Variants in SDK1 observed in about 807,000 individuals in gnomAD.
SDK1 encodes the protein protein sidekick-1.
In SDK1, 157 loss-of-function variants were observed where a neutral mutation model predicts 245.5. The ratio of observed to expected loss-of-function variants is 0.64; its 90% CI spans 0.56 to 0.73. The LOEUF (loss-of-function observed/expected upper bound fraction) is 0.73, where lower values mean the gene tolerates loss of function less well. Among genes scored for constraint, SDK1 ranks in the 30% least tolerant of loss-of-function variants. The pLI is 0.00. For synonymous variants in SDK1, 1,647 were observed against 1,278.5 expected, an observed-to-expected ratio of 1.29 and a Z score of -6.15; for missense variants, 3,583 against 3,002.3, an observed-to-expected ratio of 1.19 and a Z score of -4.52.
chr7:3,484,679 G>C (rs1268502924), intron 1 of SDK1, among the ~76,000 whole-genome samples: 1 of 152,032 alleles, frequency 6.6e-6, no homozygotes, highest in Admixed American at 6.5e-5. Context: ...GCCCTTCCTA[G>C]CCTCTGGGAA....
At chr7:3,451,030 C>T (rs1780496700) in intron 1 of SDK1, among the ~76,000 whole-genome samples, 1 of 151,984 alleles carries the variant, frequency 6.6e-6, no homozygotes, top group Non-Finnish European at 1.5e-5. Flanking sequence ...CTGGGTTTGG[C>T]AATAAAGAGG....
chr7:4,148,833 G>A (rs540434736), intron 29 of SDK1, among the ~76,000 whole-genome samples: 19 of 152,288 alleles, frequency 1.2e-4, no homozygotes, highest in East Asian at 3.9e-4. Flanking sequence ...CGAGGCAGGC[G>A]GATCACGAGG....
At chr7:3,932,056 C>T (rs1017415240) in intron 5 of SDK1, among the ~76,000 whole-genome samples, 1 of 152,168 alleles carries the variant, frequency 6.6e-6, no homozygotes, top group Non-Finnish European at 1.5e-5. Flanking sequence ...TAATCATTGA[C>T]CTGCCACGTT....
Position 3,370,486 on chromosome 7 carries a change from A to G in SDK1, c.298+68602A>G, listed in dbSNP as rs137960553. On this transcript the variant is annotated intron_variant, in intron 1 of 44. Transcript: ENST00000404826. ...AGCCTGTAATCTGAGTCCAACTAAA[A>G]TGGTGGAAGATGATGTAATCACTTA... Among the ~76,000 whole-genome samples the G allele has an allele frequency of 3.9e-5, 6 of 152,314 alleles. No homozygotes were observed. In the East Asian group the frequency reaches 9.6e-4, roughly 24 times the overall value.
chr7:3,309,085 A>C (rs945342878), intron 1 of SDK1, among the ~76,000 whole-genome samples: 1 of 152,162 alleles, frequency 6.6e-6, no homozygotes, highest in Non-Finnish European at 1.5e-5. Context: ...TATCATACTT[A>C]ACTAAGGGTG....
At position 4,241,785 on chromosome 7, in the gene SDK1, G is replaced by A; in HGVS notation, c.6131-8G>A. ...CACGTCTGTTCTCACTCTCCTGCTG[G>A]GCTTTAGGAAAGGGGATCTCCACCA... On this transcript the variant is annotated splice_polypyrimidine_tract_variant and splice_region_variant and intron_variant, in intron 42 of 44. Coordinates refer to ENST00000404826, the MANE Select transcript of SDK1 (RefSeq NM_152744.4). The A allele has an allele frequency of 1.2e-6, 2 of 1,614,102 alleles. No homozygotes were observed. The highest frequency in any genetic ancestry group is 2.2e-5 in the East Asian group (1 of 44,858).
intron 4 of SDK1, among the ~76,000 whole-genome samples, chr7:3,803,436 G>A (rs890147583): frequency 6.6e-6 from 1 of 150,744 alleles, no homozygotes; most frequent in African/African-American, 2.4e-5. Flanking sequence ...TCAGCCTCCT[G>A]AGTAGCTGGA....
intron 5 of SDK1, among the ~76,000 whole-genome samples, chr7:3,860,374 A>T (rs1332012905): frequency 6.6e-6 from 1 of 152,196 alleles, no homozygotes; most frequent in African/African-American, 2.4e-5. Flanking sequence ...AAGAAGGTTG[A>T]TAGGTGATGA....
intron 32 of SDK1, among the ~76,000 whole-genome samples, chr7:4,168,833 G>A (rs1036317482): frequency 5.9e-5 from 9 of 152,108 alleles, no homozygotes; most frequent in Non-Finnish European, 1.3e-4. Flanking sequence ...TCGCCTCTTC[G>A]TCATGCTGAT....
At chr7:4,111,046 G>A (rs1316837894) in intron 23 of SDK1, among the ~76,000 whole-genome samples, 2 of 152,064 alleles carry the variant, frequency 1.3e-5, no homozygotes, top group East Asian at 1.9e-4. Flanking sequence ...TATTATATTA[G>A]GCTGAATAAC....
At chr7:4,248,988 G>A (rs1787115794) in intron 44 of SDK1, among the ~76,000 whole-genome samples, 1 of 146,958 alleles carries the variant, frequency 6.8e-6, no homozygotes, top group Admixed American at 6.7e-5. Context: ...GTACATACAT[G>A]CACAACACAT....
rs186650004 is a variant in SDK1, at chr7:3,413,472, A to G, written c.298+111588A>G. Among the ~76,000 whole-genome samples, 371 of 152,302 alleles carry G rather than the reference A, an allele frequency of 2.4e-3. 4 individuals carry two copies. The highest frequency in any genetic ancestry group is 8.5e-3 in the African/African-American group (355 of 41,564). ...CACTTTGGGAGGCCAAGGCAAGTGG[A>G]TCACTTGAGGTCAAGAGTTTGAGAC... On this transcript the variant is annotated intron_variant, in intron 1 of 44. Coordinates refer to ENST00000404826, the MANE Select transcript of SDK1 (RefSeq NM_152744.4).
chr7:3,895,807 C>T (rs1257923906), intron 5 of SDK1, among the ~76,000 whole-genome samples: 1 of 152,172 alleles, frequency 6.6e-6, no homozygotes, highest in Non-Finnish European at 1.5e-5. Context: ...GACAAAATAT[C>T]TTCTAATTCC....
intron 14 of SDK1, among the ~76,000 whole-genome samples, chr7:3,988,785 A>AT (rs1266146848): frequency 1.3e-5 from 2 of 151,978 alleles, no homozygotes; most frequent in African/African-American, 2.4e-5. Context: ...TTGTTTGTTT[A>AT]TTTTGAGATG....
chr7:3,796,675 A>C (rs866726156), intron 4 of SDK1, among the ~76,000 whole-genome samples: 2 of 152,244 alleles, frequency 1.3e-5, no homozygotes, highest in Non-Finnish European at 1.5e-5. Context: ...CCCAGGTTTG[A>C]TAACAAAAAT....
intron 31 of SDK1, among the ~76,000 whole-genome samples, chr7:4,161,429 A>G (rs1299259753): frequency 6.6e-6 from 1 of 152,154 alleles, no homozygotes; most frequent in Non-Finnish European, 1.5e-5. Flanking sequence ...AAAAAGAGAA[A>G]AAGATAAGTT....
intron 1 of SDK1, among the ~76,000 whole-genome samples, chr7:3,473,041 A>G (rs1781232995): frequency 6.6e-6 from 1 of 152,126 alleles, no homozygotes; most frequent in Non-Finnish European, 1.5e-5. Flanking sequence ...CGCCATCATC[A>G]TCAGCATCCT....
chr7:4,015,844 TTTG>T lies in SDK1; in HGVS notation c.2421-1324_2421-1322del, dbSNP rs138208543. Among the ~76,000 whole-genome samples, 1,417 of 152,286 alleles carry T rather than the reference TTTG, an allele frequency of 9.3e-3. 10 individuals carry two copies. The highest frequency in any genetic ancestry group is 0.019 in the Admixed American group (293 of 15,304). On this transcript the variant is annotated intron_variant, in intron 16 of 44. Transcript: ENST00000404826. ...CTCAAGGGCCATCTGCTTATCATCA[TTTG>T]TTTTCTATCAAACAGGCCCCACCAA...
intron 5 of SDK1, among the ~76,000 whole-genome samples, chr7:3,853,939 A>G (rs113894884): frequency 9.2e-5 from 14 of 152,212 alleles, no homozygotes; most frequent in African/African-American, 2.9e-4. Flanking sequence ...GAGTGAGCCG[A>G]GATTGCACCA....
Sources: allele counts gnomAD v4.1 joint callset (sites outside exome capture counted in the v4.1 genomes callset), GRCh38; gene constraint gnomAD v4.1.1; transcripts MANE v1.5; gene names NCBI Gene and HGNC (gene_info 2026-07-23, HGNC 2026-07-21).